Variants in GNG12 observed in about 807,000 individuals in gnomAD.
GNG12 encodes the protein guanine nucleotide-binding protein G(I)/G(S)/G(O) subunit gamma-12.
For synonymous variants in GNG12, 28 were observed against 29.7 expected (o/e 0.94, Z 0.19); for missense variants, 69 against 83.8 (o/e 0.82, Z 0.69).
intron 1 of GNG12, among the ~76,000 whole-genome samples, chr1:67,827,610 A>G (rs370544863): frequency 8.5e-5 from 13 of 152,064 alleles, no homozygotes; most frequent in African/African-American, 2.4e-4. Flanking sequence ...TATTTTTAGT[A>G]GAGACGGGGT....
chr1:67,701,534 G>A lies in GNG12; in HGVS notation c.*3917C>T, dbSNP rs568817870. 1 of 152,784 alleles carries A rather than the reference G, an allele frequency of 6.5e-6. No individual in the cohort carries two copies. Among genetic ancestry groups the A allele is most frequent in the Non-Finnish European group, 1.5e-5 (1 of 68,040 alleles). 9.5% of individuals were successfully genotyped at this position (152,784 alleles called of 1,614,324 possible). A position where few individuals can be genotyped will look rare whatever the true frequency, so the allele number is the denominator to read the frequency against. ...TAGGATGATACAATGAGGCACTGAC[G>A]CAGTACAGAAAGCAATGGTGCTTTT... On this transcript the variant is annotated 3_prime_UTR_variant, in exon 4 of 4. Coordinates refer to ENST00000370982, the MANE Select transcript of GNG12 (RefSeq NM_018841.6).
intron 2 of GNG12, among the ~76,000 whole-genome samples, chr1:67,750,906 T>C (rs1291382747): frequency 3.9e-5 from 6 of 152,244 alleles, no homozygotes; most frequent in Admixed American, 6.5e-5. Flanking sequence ...TCATATTTTA[T>C]GACACTATAT....
At chr1:67,776,649 T>C (rs1175119464) in intron 2 of GNG12, among the ~76,000 whole-genome samples, 2 of 152,070 alleles carry the variant, frequency 1.3e-5, no homozygotes, top group Non-Finnish European at 2.9e-5. Flanking sequence ...AAACAAAGCC[T>C]AGCTGACATG....
At chr1:67,828,028 T>C (rs994958310) in intron 1 of GNG12, among the ~76,000 whole-genome samples, 3 of 152,208 alleles carry the variant, frequency 2.0e-5, no homozygotes, top group Non-Finnish European at 4.4e-5. Flanking sequence ...GGGAGGAAAG[T>C]GGGGAGGTCA....
intron 2 of GNG12, among the ~76,000 whole-genome samples, chr1:67,746,772 A>G (rs563243082): frequency 1.3e-5 from 2 of 152,246 alleles, no homozygotes; most frequent in Non-Finnish European, 2.9e-5. Context: ...TTGCCATTTT[A>G]TTTTGATTCC....
At position 67,779,213 on chromosome 1, in the gene GNG12, C is replaced by T. The variant is rs1646723469; in HGVS notation, c.-76-1706G>A. The stretch of plus-strand genomic sequence containing the variant: ...AAGTAAAAGAATTAAGAAAACACAT[C>T]TTTTTCACTTTATTAATCCACAGGC... On this transcript the variant is annotated intron_variant, in intron 1 of 3. Coordinates refer to ENST00000370982, the MANE Select transcript of GNG12 (RefSeq NM_018841.6). Among the ~76,000 whole-genome samples, 3 of 152,168 alleles carry T rather than the reference C, an allele frequency of 2.0e-5. No homozygotes were observed. The South Asian group carries it at 6.2e-4, about 32-fold the overall frequency.
At chr1:67,786,985 G>GTGTATA (rs1407300795) in intron 1 of GNG12, among the ~76,000 whole-genome samples, 10 of 119,038 alleles carry the variant, frequency 8.4e-5, no homozygotes, top group African/African-American at 2.9e-4. Context: ...GTGTGTGTGT[G>GTGTATA]TATGTATATA....
At chr1:67,724,860 C>T (rs1288176908) in intron 2 of GNG12, among the ~76,000 whole-genome samples, 1 of 152,086 alleles carries the variant, frequency 6.6e-6, no homozygotes, top group Non-Finnish European at 1.5e-5. Context: ...GTTCATTCTA[C>T]TTTTATATAT....
At chr1:67,720,657 C>T (rs1646351585) in intron 2 of GNG12, among the ~76,000 whole-genome samples, 1 of 152,126 alleles carries the variant, frequency 6.6e-6, no homozygotes. Flanking sequence ...TTCACAACAT[C>T]CCTGATAAAG....
intron 2 of GNG12, among the ~76,000 whole-genome samples, chr1:67,715,833 T>C (rs761914067): frequency 5.9e-5 from 9 of 152,264 alleles, no homozygotes; most frequent in Non-Finnish European, 1.2e-4. Context: ...AATCTGTTGC[T>C]TTGTAAACTG....
At chr1:67,759,461 C>T (rs1476307231) in intron 2 of GNG12, among the ~76,000 whole-genome samples, 11 of 152,190 alleles carry the variant, frequency 7.2e-5, no homozygotes, top group Admixed American at 6.5e-4. Context: ...GGTTTGTGTT[C>T]GGACTCTTTC....
chr1:67,804,582 A>T (rs1267788310), intron 1 of GNG12, among the ~76,000 whole-genome samples: 1 of 152,176 alleles, frequency 6.6e-6, no homozygotes, highest in Non-Finnish European at 1.5e-5. Context: ...AAAGCTGAAC[A>T]AATGGAAAAA....
intron 2 of GNG12, among the ~76,000 whole-genome samples, chr1:67,776,608 A>G (rs967167879): frequency 1.3e-5 from 2 of 152,146 alleles, no homozygotes; most frequent in South Asian, 4.1e-4. Context: ...AGTCATCATT[A>G]TCTCTCCACC....
chr1:67,752,063 A>G (rs1259381932), intron 2 of GNG12, among the ~76,000 whole-genome samples: 1 of 152,208 alleles, frequency 6.6e-6, no homozygotes, highest in Non-Finnish European at 1.5e-5. Flanking sequence ...AGCACCTCAT[A>G]GTTACTCAAT....
intron 2 of GNG12, among the ~76,000 whole-genome samples, chr1:67,709,980 A>T (rs1337025571): frequency 0.011 from 363 of 32,346 alleles, 38 homozygotes; most frequent in Non-Finnish European, 0.019. Flanking sequence ...ATAGTTATAT[A>T]TATATAGTTA....
intron 1 of GNG12, among the ~76,000 whole-genome samples, chr1:67,793,432 T>C (rs1007366166): frequency 6.6e-6 from 1 of 152,256 alleles, no homozygotes; most frequent in African/African-American, 2.4e-5. Context: ...TGAAATCCTA[T>C]TCAATTGTTT....
At chr1:67,740,945 T>C (rs554129114) in intron 2 of GNG12, among the ~76,000 whole-genome samples, 1 of 152,182 alleles carries the variant, frequency 6.6e-6, no homozygotes, top group Admixed American at 6.5e-5. Context: ...ACCATGAATA[T>C]GAATGAACAG....
intron 1 of GNG12, among the ~76,000 whole-genome samples, chr1:67,789,588 C>T (rs1646789299): frequency 6.6e-6 from 1 of 152,186 alleles, no homozygotes; most frequent in African/African-American, 2.4e-5. Flanking sequence ...TTCTCTAAAG[C>T]TATTACTCTT....
intron 2 of GNG12, among the ~76,000 whole-genome samples, chr1:67,747,841 G>C (rs1426260921): frequency 1.3e-5 from 2 of 152,160 alleles, no homozygotes; most frequent in South Asian, 2.1e-4. Context: ...AAACTGATGG[G>C]GATGCTCTGA....
Sources: gnomAD v4.1 joint callset for allele counts (sites outside exome capture counted in the v4.1 genomes callset) on GRCh38, gnomAD v4.1.1 for gene constraint, MANE v1.5 for transcripts, NCBI Gene and HGNC (gene_info 2026-07-23, HGNC 2026-07-21) for gene names.